CHL1: variants seen among roughly 807,000 people sequenced by gnomAD.
CHL1 encodes cell adhesion molecule L1 like, also known as neural cell adhesion molecule L1-like protein.
Under a neutral mutation model 141.9 loss-of-function variants are expected in CHL1, and 96 were observed. That is an observed-to-expected ratio of 0.68 (90% CI 0.57 to 0.80). The LOEUF is 0.80. CHL1 is among the 30% of genes least tolerant of loss of function. CHL1 has a pLI of 0.00. For synonymous variants in CHL1, 613 were observed against 502.2 expected (o/e 1.22, Z -2.95); for missense variants, 1,820 against 1,457.2 (o/e 1.25, Z -4.05).
chr3:385,519 G>T (rs928564032), intron 19 of CHL1, among the ~76,000 whole-genome samples: 1 of 152,128 alleles, frequency 6.6e-6, no homozygotes, highest in African/African-American at 2.4e-5. Context: ...CTTCTTGTAA[G>T]AATGGGACTG....
At chr3:277,220 G>C (rs1466512376) in intron 2 of CHL1, among the ~76,000 whole-genome samples, 1 of 151,976 alleles carries the variant, frequency 6.6e-6, no homozygotes, top group Non-Finnish European at 1.5e-5. Flanking sequence ...TTATGCATCT[G>C]CTTGAAAACT....
At position 371,776 on chromosome 3, in the gene CHL1, C is replaced by T. The variant is rs997267554; in HGVS notation, c.1751+5661C>T. ...CCTTTCCATATTTAGTGCTTTTTTT[C>T]GGGAGATCTTGCAAGGCAGGCCTGG... On this transcript the variant is annotated intron_variant, in intron 15 of 27. Transcript: ENST00000256509. Among the ~76,000 whole-genome samples, 5 of 152,014 alleles carry T rather than the reference C, an allele frequency of 3.3e-5. No homozygotes were observed. The South Asian group carries it at 6.2e-4, about 19-fold the overall frequency.
At chr3:235,263 T>G (rs1162297872) in intron 1 of CHL1, among the ~76,000 whole-genome samples, 1 of 152,110 alleles carries the variant, frequency 6.6e-6, no homozygotes, top group South Asian at 2.1e-4. Context: ...TGGCAATATT[T>G]AAGGTTATCA....
chr3:198,607 G>C (rs955444441), intron 1 of CHL1, among the ~76,000 whole-genome samples: 2 of 152,212 alleles, frequency 1.3e-5, no homozygotes, highest in African/African-American at 2.4e-5. Flanking sequence ...GGAATGAGAT[G>C]ATACAAGTAA....
At chr3:228,155 A>T (rs983989109) in intron 1 of CHL1, among the ~76,000 whole-genome samples, 1 of 152,214 alleles carries the variant, frequency 6.6e-6, no homozygotes, top group Non-Finnish European at 1.5e-5. Flanking sequence ...AGTTAATGTT[A>T]TTGGAATGTA....
rs151253250 is a variant in CHL1 at position 406,327 on chromosome 3, C to T, written c.*616C>T. 1.3e-5 allele frequency: 2 copies of T among 151,672 alleles called. No homozygotes were observed. Among genetic ancestry groups the T allele is most frequent in the Non-Finnish European group, 2.9e-5 (2 of 67,956 alleles). 9.4% of individuals were successfully genotyped at this position (151,672 alleles called of 1,614,324 possible). ...ATGGTCATATTTAAACAGAAGTATA[C>T]GTTTTTCAGTTTCAACATGAATTTT... On this transcript the variant is annotated 3_prime_UTR_variant, in exon 28 of 28. Coordinates refer to ENST00000256509, the MANE Select transcript of CHL1 (RefSeq NM_006614.4).
intron 12 of CHL1, among the ~76,000 whole-genome samples, chr3:360,851 T>C (rs567414964): frequency 6.7e-6 from 1 of 150,002 alleles, no homozygotes; most frequent in East Asian, 2.0e-4. Flanking sequence ...GTTTGGTTTT[T>C]TGTTCTTGCG....
chr3:310,199 G>T (rs943695450), intron 2 of CHL1, among the ~76,000 whole-genome samples: 8 of 152,176 alleles, frequency 5.3e-5, no homozygotes, highest in Non-Finnish European at 8.8e-5. Context: ...GGAGGTCGAG[G>T]TGGGAGGATC....
chr3:398,909 C>A, intron 25 of CHL1, 108 bp from the exon 26 acceptor site: 1 of 986,098 alleles, frequency 1.0e-6, no homozygotes, highest in South Asian at 1.6e-5. Context: ...ATTAAAAAAA[C>A]TGATACTATT....
intron 2 of CHL1, among the ~76,000 whole-genome samples, chr3:262,850 C>T (rs1207380382): frequency 6.6e-6 from 1 of 152,122 alleles, no homozygotes; most frequent in Non-Finnish European, 1.5e-5. Context: ...TCAAAGACAT[C>T]ACTGTGCAAA....
intron 1 of CHL1, among the ~76,000 whole-genome samples, chr3:211,954 C>T (rs1335215978): frequency 6.6e-6 from 1 of 152,166 alleles, no homozygotes; most frequent in African/African-American, 2.4e-5. Flanking sequence ...GGAACTGGAA[C>T]TCGGATGTCT....
chr3:356,051 A>G (rs190118536), intron 11 of CHL1, among the ~76,000 whole-genome samples: 99 of 152,254 alleles, frequency 6.5e-4, no homozygotes, highest in Middle Eastern at 3.4e-3. Flanking sequence ...CCCGTAAGGT[A>G]TGGTTGGTTG....
chr3:205,373 C>T (rs1468051911), intron 1 of CHL1, among the ~76,000 whole-genome samples: 1 of 152,264 alleles, frequency 6.6e-6, no homozygotes, highest in East Asian at 1.9e-4. Context: ...CTGCCCCTCT[C>T]AAAGTACTGG....
intron 1 of CHL1, among the ~76,000 whole-genome samples, chr3:227,758 T>C (rs555697445): frequency 5.7e-4 from 87 of 152,328 alleles, no homozygotes; most frequent in Non-Finnish European, 1.1e-3. Context: ...TCTTCCTACT[T>C]CTTCACATCT....
chr3:346,862 C>T (rs1390940494), intron 9 of CHL1, among the ~76,000 whole-genome samples: 4 of 152,116 alleles, frequency 2.6e-5, no homozygotes, highest in Admixed American at 2.6e-4. Flanking sequence ...AAGTATTGTA[C>T]TATTATTTTG....
At chr3:316,318 C>T (rs1417227893) in intron 2 of CHL1, among the ~76,000 whole-genome samples, 3 of 151,920 alleles carry the variant, frequency 2.0e-5, no homozygotes, top group Non-Finnish European at 4.4e-5. Flanking sequence ...TCACTATCTG[C>T]CTAAGTAATT....
At chr3:254,151 G>A (rs1283189194) in intron 2 of CHL1, among the ~76,000 whole-genome samples, 1 of 152,162 alleles carries the variant, frequency 6.6e-6, no homozygotes, top group Non-Finnish European at 1.5e-5. Context: ...TGCCTCAGTG[G>A]AAGAGAGTAC....
At chr3:278,772 G>T (rs1468613960) in intron 2 of CHL1, among the ~76,000 whole-genome samples, 1 of 152,184 alleles carries the variant, frequency 6.6e-6, no homozygotes, top group Non-Finnish European at 1.5e-5. Context: ...AGTAAAGGTG[G>T]TATTTTATGA....
intron 2 of CHL1, among the ~76,000 whole-genome samples, chr3:274,721 A>G (rs181527982): frequency 1.3e-5 from 2 of 152,352 alleles, no homozygotes; most frequent in Admixed American, 1.3e-4. Flanking sequence ...AGTCATCTAC[A>G]GTTGGATAAC....
Sources: allele counts gnomAD v4.1 joint callset (sites outside exome capture counted in the v4.1 genomes callset), GRCh38; gene constraint gnomAD v4.1.1; transcripts MANE v1.5; gene names NCBI Gene and HGNC (gene_info 2026-07-23, HGNC 2026-07-21).